The following CLEC4C variants were observed in gnomAD, a reference collection of about 807,000 sequenced individuals.
CLEC4C encodes C-type lectin domain family 4 member C.
A neutral mutation model predicts 27.7 loss-of-function variants in CLEC4C; 17 were observed. The ratio of observed to expected loss-of-function variants is 0.61; its 90% CI spans 0.42 to 0.92. CLEC4C has a LOEUF of 0.92. Among genes scored for constraint, CLEC4C ranks in the 40% least tolerant of loss-of-function variants. The pLI, the probability that CLEC4C is intolerant of heterozygous loss-of-function variation, is 0.00. For synonymous variants in CLEC4C, 80 were observed against 80.8 expected, an observed-to-expected ratio of 0.99 and a Z score of 0.06; for missense variants, 244 against 257.3, an observed-to-expected ratio of 0.95 and a Z score of 0.35.
intron 3 of CLEC4C, among the ~76,000 whole-genome samples, chr12:7,737,945 G>A (rs913238862): frequency 2.0e-5 from 3 of 152,072 alleles, no homozygotes; most frequent in African/African-American, 7.2e-5. Flanking sequence ...GCAGCTTGTT[G>A]AGTTTGGCCC....
At chr12:7,748,481 G>A (rs1213787640), upstream of CLEC4C, among the ~76,000 whole-genome samples, 1 of 151,864 alleles carries the variant, frequency 6.6e-6, no homozygotes, top group Non-Finnish European at 1.5e-5. Flanking sequence ...AGCCGAGATC[G>A]TGCCACTGCA....
At chr12:7,732,880 C>T (rs1365495718) in intron 4 of CLEC4C, among the ~76,000 whole-genome samples, 5 of 151,826 alleles carry the variant, frequency 3.3e-5, no homozygotes, top group Middle Eastern at 3.4e-3. Context: ...ACCCAGGAGG[C>T]GGAGCTGCAG....
At chr12:7,736,244 T>C (rs1211025051) in intron 4 of CLEC4C, among the ~76,000 whole-genome samples, 2 of 150,816 alleles carry the variant, frequency 1.3e-5, no homozygotes, top group African/African-American at 4.9e-5. Context: ...GACCGTGCCA[T>C]TGCACTCCAG....
chr12:7,730,844 C>A lies in CLEC4C; in HGVS notation c.450G>T (p.Arg150=). The change falls in exon 5 of 6, where the codon CGG becomes CGT. Residue 150 remains arginine (R), a synonymous_variant. Transcript: ENST00000360345. ...TCTGGTCAACCCATTGCCAATGTCG[C>A]CGACCCCCTGGATCTGACAGCCCCA... The part of the protein sequence containing the change: ...YFLGLSDPGG[R]RHWQWVDQTP... The A allele has an allele frequency of 1.2e-6, 2 of 1,611,484 alleles. No homozygotes were observed. Among genetic ancestry groups the A allele is most frequent in the Non-Finnish European group, 1.7e-6 (2 of 1,177,880 alleles).
At position 7,730,888 on chromosome 12, in the gene CLEC4C, T is replaced by C. The variant is rs976185191; in HGVS notation, c.406A>G (p.Arg136Gly). 4.4e-6 allele frequency: 7 copies of C among 1,602,390 alleles called. No individual in the cohort carries two copies. Among genetic ancestry groups the C allele is most frequent in the Non-Finnish European group, 6.0e-6 (7 of 1,169,808 alleles). ...EQDFIIQNLKRNSSYFLGLSD... is the reference protein window; with the variant it reads ...EQDFIIQNLKGNSSYFLGLSD... ...AGCCCCAGAAAATAAGAAGAATTTCTTTTCAGATTCTGAATGATGAAATCC... is the reference window on the plus strand; with the variant it reads ...AGCCCCAGAAAATAAGAAGAATTTCCTTTCAGATTCTGAATGATGAAATCC... The change falls in exon 5 of 6, where the codon AGA (arginine) becomes GGA (glycine). Residue 136 changes from arginine to glycine, a missense_variant. Arg to Gly is a moderately radical substitution (Grantham distance 125). Coordinates refer to ENST00000360345, the MANE Select transcript of CLEC4C (RefSeq NM_001371390.1).
At chr12:7,744,970 A>G (rs900362732) in intron 2 of CLEC4C, among the ~76,000 whole-genome samples, 5 of 152,130 alleles carry the variant, frequency 3.3e-5, no homozygotes, top group African/African-American at 9.7e-5. Context: ...ACCCCACAGT[A>G]ATACAATTAT....
At chr12:7,745,337 C>T (rs1864947700) in intron 2 of CLEC4C, among the ~76,000 whole-genome samples, 1 of 151,396 alleles carries the variant, frequency 6.6e-6, no homozygotes, top group Admixed American at 6.6e-5. Context: ...TCACCATACC[C>T]AACCATCCTG....
At chr12:7,731,401 T>C (rs745612672) in intron 4 of CLEC4C, among the ~76,000 whole-genome samples, 3 of 151,910 alleles carry the variant, frequency 2.0e-5, no homozygotes, top group Non-Finnish European at 4.4e-5. Context: ...GGGCCTCTGA[T>C]CTAACTCAGC....
chr12:7,747,535 T>C (rs1865011469), upstream of CLEC4C: 2 of 504,864 alleles, frequency 4.0e-6, no homozygotes, highest in Non-Finnish European at 7.1e-6. Flanking sequence ...GCTAAAGCTT[T>C]CAATTTAAAA....
Position 7,746,394 on chromosome 12 carries a change from C to G in CLEC4C, c.61G>C (p.Val21Leu). Residue 21 changes from valine to leucine, a missense_variant, in exon 2 of 6, where the codon GTC (valine) becomes CTC (leucine). Val to Leu is a conservative substitution (Grantham distance 32, BLOSUM62 1). Transcript: ENST00000360345. ...ATGGATACGACTGCCATGGACCAGA[C>G]CTTCAACTGGAACCACCAGAGTCCT... ...EKGLWWFQLK[V>L]WSMAVVSILL... is the part of the protein sequence containing the mutation. The G allele has an allele frequency of 6.2e-7, 1 of 1,613,622 alleles. No individual in the cohort carries two copies. Among genetic ancestry groups the G allele is most frequent in the Non-Finnish European group, 8.5e-7 (1 of 1,179,670 alleles).
chr12:7,740,438 G>T (rs1864826901), intron 3 of CLEC4C, among the ~76,000 whole-genome samples: 1 of 151,972 alleles, frequency 6.6e-6, no homozygotes, highest in Non-Finnish European at 1.5e-5. Flanking sequence ...GGTGGCTCAC[G>T]CCTGTAATCC....
chr12:7,737,734 G>C (rs1864760948), intron 3 of CLEC4C, among the ~76,000 whole-genome samples, 160 bp from the exon 4 acceptor site: 1 of 152,132 alleles, frequency 6.6e-6, no homozygotes, highest in African/African-American at 2.4e-5. Flanking sequence ...CTAATCCCTA[G>C]ATCATTTCAC....
chr12:7,741,854 C>T (rs574249898), intron 2 of CLEC4C, among the ~76,000 whole-genome samples: 2 of 152,018 alleles, frequency 1.3e-5, no homozygotes, highest in South Asian at 4.1e-4. Flanking sequence ...AACCCCGTCT[C>T]TACTAAAAAT....
At chr12:7,733,983 C>T (rs917142639) in intron 4 of CLEC4C, among the ~76,000 whole-genome samples, 3 of 150,534 alleles carry the variant, frequency 2.0e-5, no homozygotes, top group African/African-American at 4.8e-5. Flanking sequence ...ACCTCTACCT[C>T]CCAGATTCAA....
rs527345063 is a variant in CLEC4C, at chr12:7,741,071, G to A, written c.235+350C>T. ...TCTCGATCTCCTGACCTCGTGATCC[G>A]CCCGCCTCGGCCTCCCAAAGCGCTG... On this transcript the variant is annotated intron_variant, in intron 3 of 5. Coordinates refer to ENST00000360345, the MANE Select transcript of CLEC4C (RefSeq NM_001371390.1). Among the ~76,000 whole-genome samples the A allele has an allele frequency of 4.1e-3, 629 of 152,124 alleles. 1 individual carries two copies. Among genetic ancestry groups the A allele is most frequent in the Middle Eastern group, 0.034 (10 of 294 alleles).
At chr12:7,743,614 C>G (rs991598762) in intron 2 of CLEC4C, among the ~76,000 whole-genome samples, 1 of 151,834 alleles carries the variant, frequency 6.6e-6, no homozygotes, top group African/African-American at 2.4e-5. Flanking sequence ...CTCCTGACCT[C>G]GTGATCCGTC....
intron 4 of CLEC4C, among the ~76,000 whole-genome samples, chr12:7,735,781 G>A (rs1315959914): frequency 1.3e-5 from 2 of 149,898 alleles, no homozygotes; most frequent in Admixed American, 6.7e-5. Context: ...CCAGCCTGGC[G>A]ACAGAGCAAG....
chr12:7,740,180 G>T (rs1486033870), intron 3 of CLEC4C, among the ~76,000 whole-genome samples: 2 of 151,302 alleles, frequency 1.3e-5, no homozygotes, highest in Non-Finnish European at 2.9e-5. Context: ...GTCCCATCTT[G>T]TTTCCCAGGC....
In CLEC4C at chr12:7,729,649, G is replaced by C; in HGVS notation, c.589C>G (p.His197Asp). The C allele has an allele frequency of 6.2e-7, 1 of 1,612,916 alleles. No homozygotes were observed. ...SSEEWGWNDIHCHVPQKSICK... is the reference protein window; with the variant it reads ...SSEEWGWNDIDCHVPQKSICK... ...ATTGACTTCTGAGGTACATGACAGT[G>C]AATGTCATTCCAGCCCCATTCTTCT... The change falls in exon 6 of 6, where the codon CAC becomes GAC. Residue 197 changes from histidine (H) to aspartate (D), a missense_variant. Coordinates refer to ENST00000360345, the MANE Select transcript of CLEC4C (RefSeq NM_001371390.1).
Sources: allele counts gnomAD v4.1 joint callset (sites outside exome capture counted in the v4.1 genomes callset), GRCh38; gene constraint gnomAD v4.1.1; transcripts MANE v1.5; gene names NCBI Gene and HGNC (gene_info 2026-07-23, HGNC 2026-07-21).